The following ARID2 variants were observed in gnomAD, a reference collection of about 807,000 sequenced individuals.
ARID2 encodes the protein AT-rich interaction domain 2, also known as AT-rich interactive domain-containing protein 2.
ARID2 carries 32 observed loss-of-function variants against 184.6 expected under a neutral mutation model. The observed-to-expected ratio is 0.17, with a 90% CI of 0.13 to 0.23. ARID2 has a LOEUF of 0.23. Ranked by LOEUF, ARID2 falls within the 10% of genes least tolerant of loss-of-function variation. The pLI, the probability that ARID2 is intolerant of heterozygous loss-of-function variation, is 1.00. For missense variants in ARID2, 1,696 were observed against 2,197.6 expected (o/e 0.77, Z 4.56); for synonymous variants, 836 against 772.6 (o/e 1.08, Z -1.36).
rs147643073 is a variant in ARID2 at position 45,814,088 on chromosome 12, G to A, written c.418+2537G>A. 2.4e-3 allele frequency among the ~76,000 whole-genome samples: 371 copies of A among 152,124 alleles called. 1 individual carries two copies. Among genetic ancestry groups the A allele is most frequent in the Middle Eastern group, 3.4e-3 (1 of 294 alleles). ...TGCATTTTTGGTACTTAAATTTTCG[G>A]TTTCAAGAAGGAAGATATAAAAATT... On this transcript the variant is annotated intron_variant, in intron 4 of 20. Coordinates refer to ENST00000334344, the MANE Select transcript of ARID2 (RefSeq NM_152641.4).
intron 3 of ARID2, among the ~76,000 whole-genome samples, chr12:45,751,318 A>T (rs1162602099): frequency 1.3e-5 from 2 of 152,202 alleles, no homozygotes; most frequent in African/African-American, 2.4e-5. Flanking sequence ...TTCAAAGAAC[A>T]TTTAGGAGCC....
At chr12:45,743,965 C>T (rs892130105) in intron 3 of ARID2, among the ~76,000 whole-genome samples, 1 of 151,894 alleles carries the variant, frequency 6.6e-6, no homozygotes, top group Non-Finnish European at 1.5e-5. Context: ...TGCTGCCTTA[C>T]TAAATTGTTT....
intron 12 of ARID2, among the ~76,000 whole-genome samples, chr12:45,848,594 A>T (rs1943484787): frequency 6.6e-6 from 1 of 152,128 alleles, no homozygotes; most frequent in Non-Finnish European, 1.5e-5. Flanking sequence ...TCTCATTGGG[A>T]TGTGAACATA....
intron 2 of ARID2, 112 bp from the exon 3 acceptor site, chr12:45,731,105 A>T: frequency 1.3e-6 from 1 of 759,554 alleles, no homozygotes; most frequent in Non-Finnish European, 2.3e-6. Flanking sequence ...CGAAACACCC[A>T]CTGATGCCTT....
chr12:45,878,561 T>C (rs1033288491), intron 16 of ARID2, among the ~76,000 whole-genome samples: 1 of 152,194 alleles, frequency 6.6e-6, no homozygotes, highest in Non-Finnish European at 1.5e-5. Flanking sequence ...TTACAGTTTT[T>C]TTCATATTTC....
intron 3 of ARID2, among the ~76,000 whole-genome samples, chr12:45,752,312 A>AC (rs1483028875): frequency 1.3e-5 from 2 of 152,144 alleles, no homozygotes; most frequent in Non-Finnish European, 2.9e-5. Flanking sequence ...TGTCTCCCCT[A>AC]CTAAAATCTT....
intron 3 of ARID2, among the ~76,000 whole-genome samples, chr12:45,732,478 G>C (rs1465845269): frequency 6.6e-6 from 1 of 152,116 alleles, no homozygotes; most frequent in Non-Finnish European, 1.5e-5. Context: ...TATTAAATAT[G>C]GTTGTCATCT....
intron 16 of ARID2, among the ~76,000 whole-genome samples, chr12:45,884,549 C>T (rs1323767425): frequency 6.6e-6 from 1 of 152,124 alleles, no homozygotes; most frequent in Non-Finnish European, 1.5e-5. Flanking sequence ...AACAAAGTCC[C>T]TGATAATTCA....
intron 16 of ARID2, among the ~76,000 whole-genome samples, chr12:45,880,796 C>A (rs1194961768): frequency 2.0e-5 from 3 of 152,160 alleles, no homozygotes; most frequent in Non-Finnish European, 4.4e-5. Flanking sequence ...TCTGCCCCTA[C>A]CCCAGTTTGT....
At chr12:45,895,425 A>G (rs1944357032) in intron 20 of ARID2, among the ~76,000 whole-genome samples, 2 of 152,296 alleles carry the variant, frequency 1.3e-5, no homozygotes, top group South Asian at 4.1e-4. Context: ...GGGATTCAGT[A>G]TTTTGATCTT....
At chr12:45,862,169 T>C (rs1943761169) in intron 16 of ARID2, among the ~76,000 whole-genome samples, 1 of 136,982 alleles carries the variant, frequency 7.3e-6, no homozygotes. Context: ...TTTAGTAGGT[T>C]TTTGTTTGTT....
intron 11 of ARID2, chr12:45,841,798 C>T (rs1192347685): frequency 1.3e-5 from 2 of 152,126 alleles, no homozygotes; most frequent in Non-Finnish European, 2.9e-5. Flanking sequence ...TCCTCTTTCA[C>T]CTTGAACTTG....
intron 20 of ARID2, among the ~76,000 whole-genome samples, chr12:45,899,321 C>G (rs1944415001): frequency 7.5e-6 from 1 of 133,974 alleles, no homozygotes; most frequent in Non-Finnish European, 1.6e-5. Flanking sequence ...AAGTTATAAC[C>G]AGGCTGGGCG....
chr12:45,838,791 A>ATAT (rs1040642489), intron 10 of ARID2, among the ~76,000 whole-genome samples: 11 of 152,042 alleles, frequency 7.2e-5, no homozygotes, highest in African/African-American at 2.7e-4. Context: ...ATAGATAGAT[A>ATAT]GATATAGATA....
At chr12:45,808,776 T>C (rs1176610050) in intron 3 of ARID2, among the ~76,000 whole-genome samples, 1 of 152,044 alleles carries the variant, frequency 6.6e-6, no homozygotes, top group Non-Finnish European at 1.5e-5. Context: ...TGTGTGTGTG[T>C]GTTGAGACGA....
At chr12:45,887,218 A>C (rs541751028) in intron 16 of ARID2, among the ~76,000 whole-genome samples, 1 of 152,286 alleles carries the variant, frequency 6.6e-6, no homozygotes, top group East Asian at 1.9e-4. Context: ...GAAACCAACT[A>C]TTATAAATTA....
chr12:45,875,618 G>T (rs1433664935), intron 16 of ARID2, among the ~76,000 whole-genome samples: 2 of 152,204 alleles, frequency 1.3e-5, no homozygotes, highest in African/African-American at 4.8e-5. Flanking sequence ...AAAATCTGTT[G>T]CTTAGTGTAG....
intron 3 of ARID2, among the ~76,000 whole-genome samples, chr12:45,734,371 AAAAATAAAAT>A (rs919093651): frequency 1.3e-5 from 2 of 152,170 alleles, no homozygotes; most frequent in Non-Finnish European, 2.9e-5. Flanking sequence ...TCTTTCTCAA[AAAAATAAAAT>A]AAAATAAAAT....
At chr12:45,886,211 C>A (rs1944186810) in intron 16 of ARID2, among the ~76,000 whole-genome samples, 1 of 152,022 alleles carries the variant, frequency 6.6e-6, no homozygotes, top group Admixed American at 6.5e-5. Flanking sequence ...AACAAAGAGG[C>A]TACAGGCACC....
Sources: gnomAD v4.1 joint callset for allele counts (sites outside exome capture counted in the v4.1 genomes callset) on GRCh38, gnomAD v4.1.1 for gene constraint, MANE v1.5 for transcripts, NCBI Gene and HGNC (gene_info 2026-07-23, HGNC 2026-07-21) for gene names.